SIDT1: variants seen among roughly 807,000 people sequenced by gnomAD.
SIDT1 encodes the protein SID1 transmembrane family member 1.
In SIDT1, 101 loss-of-function variants were observed where a neutral mutation model predicts 107.5. The ratio of observed to expected loss-of-function variants is 0.94; its 90% CI spans 0.80 to 1.11. The LOEUF (loss-of-function observed/expected upper bound fraction) is 1.11. Ranked by LOEUF, SIDT1 falls within the 50% of genes least tolerant of loss-of-function variation. The pLI is 0.00. For missense variants in SIDT1, 1,076 were observed against 1,058.2 expected, an observed-to-expected ratio of 1.02 and a Z score of -0.23; for synonymous variants, 395 against 398.2, an observed-to-expected ratio of 0.99 and a Z score of 0.10.
intron 1 of SIDT1, among the ~76,000 whole-genome samples, chr3:113,557,883 A>G (rs1404328829): frequency 6.6e-6 from 1 of 152,234 alleles, no homozygotes; most frequent in African/African-American, 2.4e-5. Context: ...TTTCTTTTCC[A>G]GGGCAGAGAA....
At chr3:113,605,232 C>T (rs1945245717) in intron 14 of SIDT1, among the ~76,000 whole-genome samples, 1 of 149,422 alleles carries the variant, frequency 6.7e-6, no homozygotes, top group South Asian at 2.1e-4. Flanking sequence ...AAGCAATTCT[C>T]CTGCCTCAGC....
At chr3:113,541,282 G>A (rs1938830216) in intron 1 of SIDT1, among the ~76,000 whole-genome samples, 1 of 152,056 alleles carries the variant, frequency 6.6e-6, no homozygotes, top group Admixed American at 6.6e-5. Context: ...AAATTCCCCT[G>A]CTTCAGCCTC....
intron 2 of SIDT1, among the ~76,000 whole-genome samples, chr3:113,566,973 A>G (rs1941974304): frequency 6.6e-6 from 1 of 152,196 alleles, no homozygotes; most frequent in South Asian, 2.1e-4. Context: ...ACAGCAGTGG[A>G]AAAACAACAA....
In SIDT1 at chr3:113,533,201, C is replaced by G; in HGVS notation, c.180C>G (p.Thr60=). ...ACAGCGGGGTGGTGAACCTCAGCAC[C>G]GAGAACATCTACTCTTTCAACTACA... ...HVYSGVVNLS[T]ENIYSFNYTS... Residue 60 remains threonine (T), a synonymous_variant, in exon 1 of 25, where the codon ACC becomes ACG. Coordinates refer to ENST00000264852, the MANE Select transcript of SIDT1 (RefSeq NM_017699.3). 1 of 1,542,940 alleles carries G rather than the reference C, an allele frequency of 6.5e-7. No homozygotes were observed. Among genetic ancestry groups the G allele is most frequent in the Non-Finnish European group, 8.7e-7 (1 of 1,145,468 alleles).
At chr3:113,571,896 C>T (rs1942491573) in intron 3 of SIDT1, among the ~76,000 whole-genome samples, 1 of 152,138 alleles carries the variant, frequency 6.6e-6, no homozygotes, top group Admixed American at 6.5e-5. Context: ...GATTGCACCA[C>T]TGTACTCCAG....
chr3:113,571,862 G>T (rs1421410839), intron 3 of SIDT1, among the ~76,000 whole-genome samples: 2 of 152,116 alleles, frequency 1.3e-5, no homozygotes, highest in African/African-American at 4.8e-5. Context: ...TTGAACCCAG[G>T]AGGCAGAGGT....
intron 10 of SIDT1, among the ~76,000 whole-genome samples, chr3:113,597,265 G>A (rs928220359): frequency 7.9e-5 from 12 of 152,070 alleles, no homozygotes; most frequent in African/African-American, 2.2e-4. Flanking sequence ...GGGAGGCCGA[G>A]GCGGGTGGAT....
chr3:113,570,940 G>T (rs1942387206), intron 3 of SIDT1, among the ~76,000 whole-genome samples: 1 of 152,196 alleles, frequency 6.6e-6, no homozygotes, highest in South Asian at 2.1e-4. Flanking sequence ...GCCCAGAGAA[G>T]TTAAGTGACT....
At chr3:113,586,934 C>G (rs930059335) in intron 9 of SIDT1, among the ~76,000 whole-genome samples, 1 of 152,140 alleles carries the variant, frequency 6.6e-6, no homozygotes, top group African/African-American at 2.4e-5. Context: ...AAGACAATAC[C>G]TGATCTCAAT....
chr3:113,594,474 A>G (rs967931793), intron 10 of SIDT1, among the ~76,000 whole-genome samples: 3 of 152,162 alleles, frequency 2.0e-5, no homozygotes, highest in African/African-American at 7.2e-5. Flanking sequence ...CATCCAATCG[A>G]TTGAATCCCA....
chr3:113,586,655 A>G (rs565220075), intron 9 of SIDT1, among the ~76,000 whole-genome samples: 2 of 152,348 alleles, frequency 1.3e-5, no homozygotes, highest in Admixed American at 1.3e-4. Flanking sequence ...AATAGTAGAT[A>G]TACAGTAAGA....
rs144938685 is a variant in SIDT1 at position 113,627,682 on chromosome 3, C to G, written c.2458C>G (p.Arg820Gly). The change falls in exon 25 of 25, where the codon CGG (arginine) becomes GGG (glycine). Residue 820 changes from arginine (R) to glycine (G), a missense_variant. Transcript: ENST00000264852. ...LTLDDDLDVVRRDQIPVF is the reference protein window; with the variant it reads ...LTLDDDLDVVGRDQIPVF ...TTTGGATGATGACCTTGATGTGGTT[C>G]GGAGAGACCAGATCCCTGTCTTCTG... is the stretch of plus-strand genomic sequence containing the variant. 2 of 1,613,806 alleles carry G rather than the reference C, an allele frequency of 1.2e-6. No individual in the cohort carries two copies. Among genetic ancestry groups the G allele is most frequent in the Admixed American group, 3.3e-5 (2 of 60,008 alleles).
chr3:113,585,047 G>A (rs1576855258), intron 8 of SIDT1, 130 bp from the exon 9 acceptor site: 2 of 704,068 alleles, frequency 2.8e-6, no homozygotes, highest in African/African-American at 3.6e-5. Flanking sequence ...TAGCAGTTTT[G>A]CTGTGAACAA....
chr3:113,535,134 T>C (rs1937967217), intron 1 of SIDT1, among the ~76,000 whole-genome samples: 1 of 152,232 alleles, frequency 6.6e-6, no homozygotes, highest in South Asian at 2.1e-4. Context: ...TAGCTGGGTG[T>C]GATGGCACAT....
Position 113,611,152 on chromosome 3 carries a change from C to G in SIDT1, c.1857+8C>G. ...GTCACCGTCCTTGGAGTGGTGCGTCCCCCACCTTCTTCCACCTGGCTCTCG... is the reference window on the plus strand; with the variant it reads ...GTCACCGTCCTTGGAGTGGTGCGTCGCCCACCTTCTTCCACCTGGCTCTCG... On this transcript the variant is annotated splice_region_variant and intron_variant, in intron 18 of 24. Transcript: ENST00000264852. The G allele has an allele frequency of 6.2e-7, 1 of 1,612,272 alleles. No individual in the cohort carries two copies. Among genetic ancestry groups the G allele is most frequent in the Non-Finnish European group, 8.5e-7 (1 of 1,178,948 alleles).
chr3:113,635,647 A>T, the SIDT1 span, among the ~76,000 whole-genome samples: 1 of 152,286 alleles, frequency 6.6e-6, no homozygotes, highest in East Asian at 1.9e-4. Context: ...CAAGCGGATC[A>T]CAAGATCAGG....
At position 113,583,404 on chromosome 3, in the gene SIDT1, T is replaced by A; in HGVS notation, c.748-5T>A. 6.3e-7 allele frequency: 1 copy of A among 1,596,700 alleles called. No individual in the cohort carries two copies. Among genetic ancestry groups the A allele is most frequent in the Non-Finnish European group, 8.6e-7 (1 of 1,167,624 alleles). ...CCTATCATAAGGTTGTTATGTCTTATGCAGAAGAAGGATTTTCCAGGCGAG... is the reference window on the plus strand; with the variant it reads ...CCTATCATAAGGTTGTTATGTCTTAAGCAGAAGAAGGATTTTCCAGGCGAG... On this transcript the variant is annotated splice_region_variant and splice_polypyrimidine_tract_variant and intron_variant, in intron 6 of 24. Coordinates refer to ENST00000264852, the MANE Select transcript of SIDT1 (RefSeq NM_017699.3).
At chr3:113,620,182 C>A (rs895487249) in intron 21 of SIDT1, among the ~76,000 whole-genome samples, 6 of 142,744 alleles carry the variant, frequency 4.2e-5, no homozygotes, top group African/African-American at 1.5e-4. Context: ...AGAAATTTTT[C>A]TTTTACTAAA....
At chr3:113,581,729 T>G (rs1943361516) in intron 6 of SIDT1, 1 of 330,192 alleles carries the variant, frequency 3.0e-6, no homozygotes, top group East Asian at 7.3e-5. Context: ...AAAAATTAGC[T>G]GGGCTTGGTG....
Sources: allele counts gnomAD v4.1 joint callset (sites outside exome capture counted in the v4.1 genomes callset), GRCh38; gene constraint gnomAD v4.1.1; transcripts MANE v1.5; gene names NCBI Gene and HGNC (gene_info 2026-07-23, HGNC 2026-07-21).